EFNA1: variants seen among roughly 807,000 people sequenced by gnomAD.
EFNA1 encodes ephrin-A1.
EFNA1 carries 8 observed loss-of-function variants against 23.2 expected under a neutral mutation model. That is an observed-to-expected ratio of 0.34 (90% CI 0.20 to 0.62). The LOEUF (loss-of-function observed/expected upper bound fraction) is 0.62, where lower values mean the gene tolerates loss of function less well. Ranked by LOEUF, EFNA1 falls within the 20% of genes least tolerant of loss-of-function variation. The pLI is 0.75. For synonymous variants in EFNA1, 89 were observed against 98.6 expected (o/e 0.90, Z 0.58); for missense variants, 217 against 260.0 (o/e 0.83, Z 1.14).
At chr1:155,128,138 C>CGGT in intron 1 of EFNA1, 69 bp downstream of exon 1, 2 of 1,405,318 alleles carry the variant, frequency 1.4e-6, no homozygotes, top group Middle Eastern at 1.8e-4. Flanking sequence ...ATAACTGTCC[C>CGGT]GGCCAAACCC....
chr1:155,131,137 A>G lies in EFNA1; in HGVS notation c.93-202A>G, dbSNP rs1169009945. Reference sequence around the variant, plus strand: ...GCTATTTGAAGGACCAACAGGAGACAGTGATGGTGCAGGGGAATGTTTAGA... The same window carrying G: ...GCTATTTGAAGGACCAACAGGAGACGGTGATGGTGCAGGGGAATGTTTAGA... On this transcript the variant is annotated intron_variant, in intron 1 of 4. Transcript: ENST00000368407. The G allele has an allele frequency of 8.8e-6, 12 of 1,356,024 alleles. No homozygotes were observed. In the Admixed American group the frequency reaches 9.1e-5, roughly 10 times the overall value. The allele number at this position is 1,356,024 out of a possible 1,614,324, so 84.0% of individuals were successfully genotyped here.
intron 2 of EFNA1, among the ~76,000 whole-genome samples, chr1:155,132,020 A>C (rs572654523): frequency 3.4e-4 from 51 of 152,084 alleles, no homozygotes; most frequent in African/African-American, 1.1e-3. Context: ...GCTCAGGACA[A>C]GCAGAGGAGC....
intron 1 of EFNA1, chr1:155,130,862 G>T (rs767853060): frequency 2.4e-4 from 234 of 985,316 alleles, no homozygotes; most frequent in Non-Finnish European, 2.7e-4. Context: ...TGTGTTGGAG[G>T]CTCCAGGCTA....
At chr1:155,132,367 A>G (rs1483302341) in intron 2 of EFNA1, among the ~76,000 whole-genome samples, 1 of 151,480 alleles carries the variant, frequency 6.6e-6, no homozygotes, top group East Asian at 2.0e-4. Context: ...TCCTGCCTCA[A>G]CCTCCCAAAT....
rs1664329411 is a variant in EFNA1 at position 155,134,437 on chromosome 1, C to T, written c.*370C>T. 2.8e-5 allele frequency: 8 copies of T among 284,998 alleles called. No individual in the cohort carries two copies. The highest frequency in any genetic ancestry group is 5.4e-5 in the Non-Finnish European group (8 of 147,282). The allele number at this position is 284,998 out of a possible 1,614,324, so 17.7% of individuals were successfully genotyped here. On this transcript the variant is annotated 3_prime_UTR_variant, in exon 5 of 5. Transcript: ENST00000368407. The stretch of plus-strand genomic sequence containing the variant: ...TGGGCAAAGCTTGTCAAAGATGCCC[C>T]CTCCAGGAGAGAGCCAGGATGCCCA...
chr1:155,132,692 T>C (rs1035051498), intron 2 of EFNA1, among the ~76,000 whole-genome samples: 10 of 151,428 alleles, frequency 6.6e-5, no homozygotes, highest in African/African-American at 2.2e-4. Flanking sequence ...TAGCCGAGTG[T>C]GGTGGCGCAC....
rs1158347108 is a variant in EFNA1, at chr1:155,130,483, AG to A, written c.93-851del. 4 of 921,236 alleles carry A rather than the reference AG, an allele frequency of 4.3e-6. No homozygotes were observed. The East Asian group carries it at 5.5e-4, about 128-fold the overall frequency. 57.1% of individuals were successfully genotyped at this position (921,236 alleles called of 1,614,324 possible). A position where few individuals can be genotyped will look rare whatever the true frequency, so the allele number is the denominator to read the frequency against. On this transcript the variant is annotated intron_variant, in intron 1 of 4. Transcript: ENST00000368407. ...TTGGGAGGAGGGGAGAGGAGGGGAG[AG>A]GGGGAGAGGAGGAGAGAGGGGAGAG...
At chr1:155,130,397 A>C in intron 1 of EFNA1, 1 of 552,166 alleles carries the variant, frequency 1.8e-6, no homozygotes, top group Non-Finnish European at 2.3e-6. Context: ...GCTGGTGGGC[A>C]GTCAGGCTGG....
chr1:155,134,046 TCTG>T lies in EFNA1; in HGVS notation c.605_607del (p.Leu202del). Reference sequence around the variant, plus strand: ...CCTGGACTGTGCTGCTCCTTCCACTTCTGCTGCTGCAAACCCCGTGAAGGTGTA... The same window carrying T: ...CCTGGACTGTGCTGCTCCTTCCACTTCTGCTGCAAACCCCGTGAAGGTGTA... On this transcript the variant is annotated inframe_deletion, in exon 5 of 5. Coordinates refer to ENST00000368407, the MANE Select transcript of EFNA1 (RefSeq NM_004428.3). 1 of 1,614,120 alleles carries T rather than the reference TCTG, an allele frequency of 6.2e-7. No homozygotes were observed. The highest frequency in any genetic ancestry group is 8.5e-7 in the Non-Finnish European group (1 of 1,179,998).
chr1:155,132,430 T>C (rs936556780), intron 2 of EFNA1, among the ~76,000 whole-genome samples: 1 of 151,928 alleles, frequency 6.6e-6, no homozygotes, highest in Non-Finnish European at 1.5e-5. Flanking sequence ...GTATTTTTAG[T>C]AGAGATGGGG....
chr1:155,131,063 CAG>C, intron 1 of EFNA1: 1 of 1,252,518 alleles, frequency 8.0e-7, no homozygotes, highest in Non-Finnish European at 1.0e-6. Flanking sequence ...AGGTAAGTAT[CAG>C]GGGGGTTATG....
chr1:155,130,668 G>C (rs865815820), intron 1 of EFNA1: 1 of 985,358 alleles, frequency 1.0e-6, no homozygotes, highest in Non-Finnish European at 1.2e-6. Flanking sequence ...TGAGTAGCTA[G>C]AACGGGAAGA....
chr1:155,129,751 G>C (rs760730456), intron 1 of EFNA1: 3 of 152,468 alleles, frequency 2.0e-5, no homozygotes, highest in African/African-American at 7.2e-5. Context: ...AAGGGCGCCA[G>C]CCTCCCTCAT....
In EFNA1 at chr1:155,128,149, T is replaced by C. The variant is rs879193428; in HGVS notation, c.92+80T>C. On this transcript the variant is annotated intron_variant, in intron 1 of 4. Transcript: ENST00000368407. ...CGGGATAACTGTCCCGGCCAAACCCTGAGCTGAGCCTAGAGTAGATGACCG... is the reference window on the plus strand; with the variant it reads ...CGGGATAACTGTCCCGGCCAAACCCCGAGCTGAGCCTAGAGTAGATGACCG... 26 of 1,305,146 alleles carry C rather than the reference T, an allele frequency of 2.0e-5. No individual in the cohort carries two copies. The South Asian group carries it at 2.7e-4, about 13-fold the overall frequency. 80.8% of individuals were successfully genotyped at this position (1,305,146 alleles called of 1,614,324 possible).
chr1:155,129,453 T>C (rs1664173058), intron 1 of EFNA1: 1 of 151,692 alleles, frequency 6.6e-6, no homozygotes, highest in African/African-American at 2.4e-5. Flanking sequence ...AAGAGTCAAA[T>C]GAAGGCTAAG....
chr1:155,133,720 T>C lies in EFNA1; in HGVS notation c.455-10T>C. The C allele has an allele frequency of 6.2e-7, 1 of 1,614,084 alleles. No individual in the cohort carries two copies. The highest frequency in any genetic ancestry group is 8.5e-7 in the Non-Finnish European group (1 of 1,179,992). On this transcript the variant is annotated splice_polypyrimidine_tract_variant and intron_variant, in intron 3 of 4. Transcript: ENST00000368407. ...ACAGTACCTGATCTACTACCACTCT[T>C]GTCTTTCAGCTCACAGTCCTCAGGC... is the stretch of plus-strand genomic sequence containing the variant.
chr1:155,130,267 G>C (rs1183672563), intron 1 of EFNA1, among the ~76,000 whole-genome samples: 3 of 152,178 alleles, frequency 2.0e-5, no homozygotes, highest in Non-Finnish European at 4.4e-5. Flanking sequence ...TGGGTCTCTA[G>C]CTGGCAGTGC....
intron 1 of EFNA1, chr1:155,131,082 G>A: frequency 1.5e-6 from 2 of 1,292,678 alleles, no homozygotes; most frequent in East Asian, 3.1e-5. Flanking sequence ...TATGGAAAAT[G>A]CTTTGGTACC....
Position 155,134,213 on chromosome 1 carries a change from A to C in EFNA1, c.*146A>C. 2 of 786,310 alleles carry C rather than the reference A, an allele frequency of 2.5e-6. No individual in the cohort carries two copies. Among genetic ancestry groups the C allele is most frequent in the Non-Finnish European group, 4.1e-6 (2 of 485,902 alleles). 48.7% of individuals were successfully genotyped at this position (786,310 alleles called of 1,614,324 possible). A position where few individuals can be genotyped will look rare whatever the true frequency, so the allele number is the denominator to read the frequency against. ...TAAGCTATCACCTAGCAGCCTCAAAACGGGTCAGTATTAAGGTTTTCAACC... is the reference window on the plus strand; with the variant it reads ...TAAGCTATCACCTAGCAGCCTCAAACCGGGTCAGTATTAAGGTTTTCAACC... On this transcript the variant is annotated 3_prime_UTR_variant, in exon 5 of 5. Transcript: ENST00000368407.
Sources: allele counts gnomAD v4.1 joint callset (sites outside exome capture counted in the v4.1 genomes callset), GRCh38; gene constraint gnomAD v4.1.1; transcripts MANE v1.5; gene names NCBI Gene and HGNC (gene_info 2026-07-23, HGNC 2026-07-21).